The following ZNF777 variants were observed in gnomAD, a reference collection of about 807,000 sequenced individuals.
ZNF777 encodes the protein zinc finger protein 777.
A neutral mutation model predicts 72.1 loss-of-function variants in ZNF777; 7 were observed. The ratio of observed to expected loss-of-function variants is 0.10; its 90% confidence interval spans 0.06 to 0.18. The LOEUF (loss-of-function observed/expected upper bound fraction) is 0.18. ZNF777 is among the 10% of genes least tolerant of loss of function. ZNF777 has a pLI of 1.00. For synonymous variants in ZNF777, 545 were observed against 483.5 expected (o/e 1.13, Z -1.67); for missense variants, 828 against 1,128.6 (o/e 0.73, Z 3.82).
intron 4 of ZNF777, among the ~76,000 whole-genome samples, chr7:149,444,484 C>T (rs945566530): frequency 1.3e-5 from 2 of 152,206 alleles, no homozygotes; most frequent in African/African-American, 4.8e-5. Context: ...GGGCCGTGTG[C>T]CTGGAGTGCC....
chr7:149,431,779 C>T lies in ZNF777; in HGVS notation c.2493G>A (p.Glu831=), dbSNP rs1799312133. The change falls in exon 6 of 6, where the codon GAG becomes GAA. Residue 831 remains glutamate (E), a synonymous_variant. Coordinates refer to ENST00000247930, the MANE Select transcript of ZNF777 (RefSeq NM_015694.3). Reference sequence around the variant, plus strand: ...GCGGCGGCGGCGGGGCGCGCGCTCACTCGCCCGTGTGGGTCCGCAGGTGGT... The same window carrying T: ...GCGGCGGCGGCGGGGCGCGCGCTCATTCGCCCGTGTGGGTCCGCAGGTGGT... ...LKYHLRTHTG[E] 6.3e-7 allele frequency: 1 copy of T among 1,583,696 alleles called. No individual in the cohort carries two copies. The highest frequency in any genetic ancestry group is 8.5e-7 in the Non-Finnish European group (1 of 1,172,506).
intron 4 of ZNF777, among the ~76,000 whole-genome samples, chr7:149,437,467 C>T (rs1167252128): frequency 3.9e-5 from 6 of 152,198 alleles, no homozygotes; most frequent in Admixed American, 1.3e-4. Flanking sequence ...TTCCCAAGCA[C>T]GTATGCATGT....
Position 149,436,053 on chromosome 7 carries a change from GTTC to G in ZNF777, c.1339+519_1339+521del, listed in dbSNP as rs1466338465. On this transcript the variant is annotated intron_variant, in intron 5 of 5. Transcript: ENST00000247930. This position sits in a 1 kb window ranked among gnomAD's most constrained non-coding sequence, Gnocchi z 5.0. ...CCACCGTGAGCCCCAGTGCCTTACTGTTCTTGAACTCAGAAGGAGCAAGAGTGA... is the reference window on the plus strand; with the variant it reads ...CCACCGTGAGCCCCAGTGCCTTACTGTTGAACTCAGAAGGAGCAAGAGTGA... Among the ~76,000 whole-genome samples the G allele has an allele frequency of 6.6e-6, 1 of 152,178 alleles. No homozygotes were observed. Among genetic ancestry groups the G allele is most frequent in the Non-Finnish European group, 1.5e-5 (1 of 68,044 alleles).
rs1215424392 is a variant in ZNF777, at chr7:149,431,730, G to T, written c.*46C>A. The stretch of plus-strand genomic sequence containing the variant: ...TCGGGCCTGGCGGTGTCCGAGGGGG[G>T]GCACGGCCCGCGCACCTGGCCGGGC... On this transcript the variant is annotated 3_prime_UTR_variant, in exon 6 of 6. Coordinates refer to ENST00000247930, the MANE Select transcript of ZNF777 (RefSeq NM_015694.3). The T allele has an allele frequency of 4.4e-5, 57 of 1,295,704 alleles. No homozygotes were observed. Among genetic ancestry groups the T allele is most frequent in the Non-Finnish European group, 5.6e-5 (57 of 1,024,006 alleles). The allele number at this position is 1,295,704 out of a possible 1,614,324, so 80.3% of individuals were successfully genotyped here.
rs1044824303 is a variant in ZNF777 at position 149,436,514 on chromosome 7, C to G, written c.1339+61G>C. Reference sequence around the variant, plus strand: ...AAGGAACCACAGCTTTCCCAGGGGGCAGGGGCCCTCTGGGAGGCCTCATGG... The same window carrying G: ...AAGGAACCACAGCTTTCCCAGGGGGGAGGGGCCCTCTGGGAGGCCTCATGG... On this transcript the variant is annotated intron_variant, in intron 5 of 5. Coordinates refer to ENST00000247930, the MANE Select transcript of ZNF777 (RefSeq NM_015694.3). The surrounding 1 kb of genome is among the most constrained non-coding windows in gnomAD (Gnocchi z 5.0). 1.2e-5 allele frequency: 19 copies of G among 1,527,274 alleles called. No individual in the cohort carries two copies. The African/African-American group carries it at 2.3e-4, about 19-fold the overall frequency. 94.6% of individuals were successfully genotyped at this position (1,527,274 alleles called of 1,614,324 possible).
intron 1 of ZNF777, chr7:149,459,924 G>A (rs947664081): frequency 3.8e-5 from 36 of 950,688 alleles, no homozygotes; most frequent in Non-Finnish European, 4.4e-5. Flanking sequence ...CGCACGGACG[G>A]CGGCGAGGCC....
rs763348005 is a variant in ZNF777, at chr7:149,432,792, C to T, written c.1480G>A (p.Glu494Lys). ...CTCTCCTCGCCCTCGGGGGACATCT[C>T]CCCGGGCAGCGGGGTCTGGTACATA... Reference protein sequence around the residue: ...ASMYQTPLPGEMSPEGEESPP... With the variant: ...ASMYQTPLPGKMSPEGEESPP... Residue 494 changes from glutamate (E) to lysine (K), a missense_variant, in exon 6 of 6, where the codon GAG becomes AAG. This residue lies in a region of ZNF777 where 219 missense variants were observed against 223.0 expected (regional missense o/e 0.98). Coordinates refer to ENST00000247930, the MANE Select transcript of ZNF777 (RefSeq NM_015694.3). 8 of 1,608,258 alleles carry T rather than the reference C, an allele frequency of 5.0e-6. No homozygotes were observed. The highest frequency in any genetic ancestry group is 6.8e-6 in the Non-Finnish European group (8 of 1,175,926).
intron 3 of ZNF777, among the ~76,000 whole-genome samples, chr7:149,453,244 T>A (rs527753066): frequency 2.1e-4 from 32 of 152,240 alleles, no homozygotes; most frequent in South Asian, 8.3e-4. Flanking sequence ...ATAAATCATT[T>A]AAATTGTTGA....
At position 149,455,879 on chromosome 7, in the gene ZNF777, G is replaced by A. The variant is rs201126490; in HGVS notation, c.144C>T (p.Pro48=). The change falls in exon 2 of 6, where the codon CCC becomes CCT. Residue 48 remains proline, a synonymous_variant. Transcript: ENST00000247930. The surrounding 1 kb of genome is among the most constrained non-coding windows in gnomAD (Gnocchi z 4.2). ...LPPKEIPSLS[P]TIPRQGSLPQ... ...GCAGGGAGCCTTGACGGGGAATGGT[G>A]GGAGACAAAGAAGGAATTTCTTTGG... 1.2e-6 allele frequency: 2 copies of A among 1,613,820 alleles called. No individual in the cohort carries two copies. The highest frequency in any genetic ancestry group is 1.3e-5 in the African/African-American group (1 of 74,820).
chr7:149,451,197 C>T (rs551060937), intron 3 of ZNF777, 85 bp from the exon 4 acceptor site: 2 of 1,198,134 alleles, frequency 1.7e-6, no homozygotes, highest in Non-Finnish European at 2.4e-6. Context: ...GCACGTGATT[C>T]CAGGAGCAGC....
At position 149,436,531 on chromosome 7, in the gene ZNF777, G is replaced by A. The variant is rs1188231410; in HGVS notation, c.1339+44C>T. The A allele has an allele frequency of 6.5e-7, 1 of 1,544,582 alleles. No homozygotes were observed. On this transcript the variant is annotated intron_variant, in intron 5 of 5. Coordinates refer to ENST00000247930, the MANE Select transcript of ZNF777 (RefSeq NM_015694.3). The surrounding 1 kb of genome is among the most constrained non-coding windows in gnomAD (Gnocchi z 5.0). ...CCAGGGGGCAGGGGCCCTCTGGGAGGCCTCATGGCAACCCTTCCCCGGCCG... is the reference window on the plus strand; with the variant it reads ...CCAGGGGGCAGGGGCCCTCTGGGAGACCTCATGGCAACCCTTCCCCGGCCG...
Position 149,436,123 on chromosome 7 carries a change from A to G in ZNF777, c.1339+452T>C, listed in dbSNP as rs1322476643. On this transcript the variant is annotated intron_variant, in intron 5 of 5. Coordinates refer to ENST00000247930, the MANE Select transcript of ZNF777 (RefSeq NM_015694.3). This position sits in a 1 kb window ranked among gnomAD's most constrained non-coding sequence, Gnocchi z 5.0. ...GTTTTATAATTAAACAAAAATGAAGACTAGGTTCGACCACAGAATGCCGGT... is the reference window on the plus strand; with the variant it reads ...GTTTTATAATTAAACAAAAATGAAGGCTAGGTTCGACCACAGAATGCCGGT... Among the ~76,000 whole-genome samples the G allele has an allele frequency of 6.6e-6, 1 of 152,178 alleles. No individual in the cohort carries two copies. The highest frequency in any genetic ancestry group is 1.5e-5 in the Non-Finnish European group (1 of 68,032).
chr7:149,443,432 T>G (rs867124007), intron 4 of ZNF777, among the ~76,000 whole-genome samples: 1 of 152,188 alleles, frequency 6.6e-6, no homozygotes, highest in Non-Finnish European at 1.5e-5. Context: ...ACTTTCACTC[T>G]CTCTGTACTT....
intron 1 of ZNF777, among the ~76,000 whole-genome samples, chr7:149,457,402 T>C (rs1445052816): frequency 2.0e-5 from 3 of 152,228 alleles, no homozygotes; most frequent in Non-Finnish European, 2.9e-5. Context: ...AAATTTCAAT[T>C]TTCTTCCGTT....
At position 149,436,414 on chromosome 7, in the gene ZNF777, C is replaced by T. The variant is rs966057374; in HGVS notation, c.1339+161G>A. Among the ~76,000 whole-genome samples, 6 of 152,168 alleles carry T rather than the reference C, an allele frequency of 3.9e-5. No individual in the cohort carries two copies. Among genetic ancestry groups the T allele is most frequent in the South Asian group, 2.1e-4 (1 of 4,820 alleles). On this transcript the variant is annotated intron_variant, in intron 5 of 5. Transcript: ENST00000247930. The surrounding 1 kb of genome is among the most constrained non-coding windows in gnomAD (Gnocchi z 5.0). ...ACGGATTCTTACAAGTCCCGCGTCA[C>T]GGAGCCTATACTCGAGGCCGTGCTT...
chr7:149,432,583 G>A lies in ZNF777; in HGVS notation c.1689C>T (p.Ile563=), dbSNP rs1328258802. ...KSFRLKINLI[I]HQRNHIKEGP... The stretch of plus-strand genomic sequence containing the variant: ...CCTCCTTGATGTGGTTGCGCTGGTG[G>A]ATGATGAGGTTGATCTTCAGGCGGA... The change falls in exon 6 of 6, where the codon ATC becomes ATT. Residue 563 remains isoleucine (I), a synonymous_variant. Coordinates refer to ENST00000247930, the MANE Select transcript of ZNF777 (RefSeq NM_015694.3). The A allele has an allele frequency of 1.2e-6, 2 of 1,613,820 alleles. No individual in the cohort carries two copies. The highest frequency in any genetic ancestry group is 3.3e-5 in the Admixed American group (2 of 60,000).
In ZNF777 at chr7:149,460,717, G is replaced by C. The variant is rs1011120092; in HGVS notation, c.-16+98C>G. The C allele has an allele frequency of 2.6e-5, 4 of 152,368 alleles. No individual in the cohort carries two copies. Among genetic ancestry groups the C allele is most frequent in the African/African-American group, 7.2e-5 (3 of 41,572 alleles). 9.4% of individuals were successfully genotyped at this position (152,368 alleles called of 1,614,324 possible). A position where few individuals can be genotyped will look rare whatever the true frequency, so the allele number is the denominator to read the frequency against. ...GCGAACAGTGTCGAGCGAGCCGCCC[G>C]GCGGCGACGGACACGCCCTGAGCCC... is the stretch of plus-strand genomic sequence containing the variant. On this transcript the variant is annotated intron_variant, in intron 1 of 5. Transcript: ENST00000247930. This position sits in a 1 kb window ranked among gnomAD's most constrained non-coding sequence, Gnocchi z 6.1.
In ZNF777 at chr7:149,448,511, A is replaced by ATATATAGTTAT. The variant is rs1748359372; in HGVS notation, c.1087+2487_1087+2488insATAACTATATA. On this transcript the variant is annotated intron_variant, in intron 4 of 5. Transcript: ENST00000247930. ...TATATATATATATATATATATATATAACTATATATAGTTATACATATAGTT... is the reference window on the plus strand; with the variant it reads ...TATATATATATATATATATATATATATATATAGTTATACTATATATAGTTATACATATAGTT... 9.0e-5 allele frequency among the ~76,000 whole-genome samples: 8 copies of ATATATAGTTAT among 89,156 alleles called. No homozygotes were observed. In the South Asian group the frequency reaches 2.6e-3, roughly 29 times the overall value. 58.5% of individuals were successfully genotyped at this position (89,156 alleles called of 152,430 possible).
intron 3 of ZNF777, 29 bp downstream of exon 3, chr7:149,454,081 AG>A (rs777197944): frequency 5.6e-6 from 9 of 1,613,434 alleles, no homozygotes; most frequent in Admixed American, 1.7e-5. Context: ...GCGTCCAGGC[AG>A]CCCCCAGCGA....
Sources: gnomAD v4.1 joint callset for allele counts (sites outside exome capture counted in the v4.1 genomes callset) on GRCh38, gnomAD v4.1.1 for gene constraint, gnomAD v4.1.1 regional missense constraint, Gnocchi (gnomAD v3.1) non-coding constraint, MANE v1.5 for transcripts, NCBI Gene and HGNC (gene_info 2026-07-23, HGNC 2026-07-21) for gene names.